Variants in ATP1B3 observed in about 807,000 individuals in gnomAD.
The protein encoded by ATP1B3 is ATPase Na+/K+ transporting subunit beta 3.
ATP1B3 carries 10 observed loss-of-function variants against 30.2 expected under a neutral mutation model. The ratio of observed to expected loss-of-function variants is 0.33; its 90% CI spans 0.20 to 0.56. The LOEUF is 0.56. Ranked by LOEUF, ATP1B3 falls within the 20% of genes least tolerant of loss-of-function variation. The pLI is 0.90. For synonymous variants in ATP1B3, 113 were observed against 117.0 expected, an observed-to-expected ratio of 0.97 and a Z score of 0.22; for missense variants, 238 against 336.7, an observed-to-expected ratio of 0.71 and a Z score of 2.29.
Position 141,876,769 on chromosome 3 carries a change from G to A in ATP1B3, c.-33G>A, listed in dbSNP as rs1387415758. On this transcript the variant is annotated 5_prime_UTR_variant, in exon 1 of 7. Coordinates refer to ENST00000286371, the MANE Select transcript of ATP1B3 (RefSeq NM_001679.4). The stretch of plus-strand genomic sequence containing the variant: ...AGCCCTCGCCGCCTCCATCCCCGCG[G>A]CCGCAGCTCCTCTCGCCGTCCGCGC... The A allele has an allele frequency of 3.8e-6, 6 of 1,561,884 alleles. No individual in the cohort carries two copies. Among genetic ancestry groups the A allele is most frequent in the East Asian group, 2.4e-5 (1 of 41,644 alleles).
chr3:141,923,904 C>G (rs1315300163), intron 6 of ATP1B3, among the ~76,000 whole-genome samples: 1 of 152,188 alleles, frequency 6.6e-6, no homozygotes, highest in Non-Finnish European at 1.5e-5. Context: ...GTTGAGTTCT[C>G]AGAGTGTCAG....
intron 1 of ATP1B3, among the ~76,000 whole-genome samples, chr3:141,900,623 A>G (rs1357955622): frequency 2.6e-5 from 4 of 152,206 alleles, no homozygotes; most frequent in East Asian, 1.9e-4. Flanking sequence ...CAGCATTTCT[A>G]TGGAGGACTG....
chr3:141,879,648 A>G (rs1013068529), intron 1 of ATP1B3, among the ~76,000 whole-genome samples: 12 of 151,204 alleles, frequency 7.9e-5, no homozygotes, highest in African/African-American at 2.9e-4. Context: ...GTGTGGTGGC[A>G]CCTGCCTGTA....
intron 2 of ATP1B3, among the ~76,000 whole-genome samples, chr3:141,904,986 C>T (rs1025855379): frequency 2.6e-5 from 4 of 152,178 alleles, no homozygotes; most frequent in African/African-American, 9.7e-5. Context: ...GCTGGGATTA[C>T]AGGGGTGAGC....
intron 5 of ATP1B3, among the ~76,000 whole-genome samples, chr3:141,921,073 T>G (rs1210179944): frequency 6.6e-6 from 1 of 152,122 alleles, no homozygotes; most frequent in African/African-American, 2.4e-5. Flanking sequence ...AAAAAAATTT[T>G]TTTATATATA....
intron 3 of ATP1B3, among the ~76,000 whole-genome samples, chr3:141,913,442 T>G (rs1216303103): frequency 6.6e-6 from 1 of 152,148 alleles, no homozygotes; most frequent in Non-Finnish European, 1.5e-5. Flanking sequence ...ATAATCCAGT[T>G]TGTATGATTA....
intron 3 of ATP1B3, among the ~76,000 whole-genome samples, chr3:141,912,096 C>G (rs9848990): frequency 0.43 from 64,835 of 151,422 alleles, 14,463 homozygotes; most frequent in East Asian, 0.65. Flanking sequence ...TTTATCTCTA[C>G]CCCCACAAAA....
At chr3:141,904,755 G>A (rs1407345068) in intron 2 of ATP1B3, among the ~76,000 whole-genome samples, 2 of 135,876 alleles carry the variant, frequency 1.5e-5, no homozygotes, top group Non-Finnish European at 3.0e-5. Flanking sequence ...TGTTGCCTAG[G>A]CTGGAGTGCA....
At position 141,876,790 on chromosome 3, in the gene ATP1B3, C is replaced by A; in HGVS notation, c.-12C>A. On this transcript the variant is annotated 5_prime_UTR_variant, in exon 1 of 7. Coordinates refer to ENST00000286371, the MANE Select transcript of ATP1B3 (RefSeq NM_001679.4). ...CGCGGCCGCAGCTCCTCTCGCCGTC[C>A]GCGCGCACACCATGACGAAGAACGA... is the stretch of plus-strand genomic sequence containing the variant. The A allele has an allele frequency of 6.3e-7, 1 of 1,586,762 alleles. No individual in the cohort carries two copies. Among genetic ancestry groups the A allele is most frequent in the South Asian group, 1.1e-5 (1 of 89,660 alleles).
At chr3:141,921,843 G>A (rs1934568445) in intron 5 of ATP1B3, 134 bp from the exon 6 acceptor site, 1 of 525,444 alleles carries the variant, frequency 1.9e-6, no homozygotes, top group African/African-American at 2.0e-5. Flanking sequence ...AAATACACTT[G>A]TAATGATAAT....
At chr3:141,890,862 G>A (rs146893481) in intron 1 of ATP1B3, among the ~76,000 whole-genome samples, 271 of 152,290 alleles carry the variant, frequency 1.8e-3, no homozygotes, top group African/African-American at 6.2e-3. Flanking sequence ...GGTGAGTCAC[G>A]GCCCCCAGTC....
At chr3:141,925,161 G>A (rs1033084093) in intron 6 of ATP1B3, among the ~76,000 whole-genome samples, 2 of 151,662 alleles carry the variant, frequency 1.3e-5, no homozygotes, top group Non-Finnish European at 2.9e-5. Flanking sequence ...AAATAATAGA[G>A]CTAAATTTTT....
intron 1 of ATP1B3, among the ~76,000 whole-genome samples, chr3:141,891,964 G>T (rs1933962710): frequency 6.6e-6 from 1 of 151,396 alleles, no homozygotes; most frequent in South Asian, 2.1e-4. Context: ...TCAGTTTGGG[G>T]ACAGTGCTCC....
At chr3:141,907,091 A>G in intron 2 of ATP1B3, 76 bp from the exon 3 acceptor site, 1 of 1,110,324 alleles carries the variant, frequency 9.0e-7, no homozygotes, top group Non-Finnish European at 1.3e-6. Flanking sequence ...ATTTGCTGAG[A>G]TCTGCTTTTT....
intron 5 of ATP1B3, chr3:141,916,531 C>T (rs1934467218): frequency 2.3e-6 from 3 of 1,286,506 alleles, no homozygotes; most frequent in Non-Finnish European, 3.0e-6. Flanking sequence ...TTTGTTTTCT[C>T]TCCATGCTGC....
intron 3 of ATP1B3, among the ~76,000 whole-genome samples, chr3:141,910,797 T>C (rs1344301973): frequency 6.7e-6 from 1 of 148,828 alleles, no homozygotes; most frequent in Non-Finnish European, 1.5e-5. Context: ...TTTTTAATTA[T>C]TTTTATTTTT....
intron 1 of ATP1B3, among the ~76,000 whole-genome samples, chr3:141,899,203 G>T (rs1934118671): frequency 2.0e-5 from 3 of 152,128 alleles, no homozygotes; most frequent in African/African-American, 7.2e-5. Context: ...TTACATATGT[G>T]AATGGTATGC....
intron 1 of ATP1B3, among the ~76,000 whole-genome samples, chr3:141,900,710 G>A (rs1218236784): frequency 1.3e-5 from 2 of 152,094 alleles, no homozygotes; most frequent in East Asian, 3.9e-4. Flanking sequence ...GCTGGACAGG[G>A]CCCGTTTCTC....
intron 4 of ATP1B3, among the ~76,000 whole-genome samples, chr3:141,914,070 T>C (rs1373971551): frequency 3.9e-5 from 6 of 152,214 alleles, no homozygotes; most frequent in Non-Finnish European, 8.8e-5. Flanking sequence ...AAAGTAACTT[T>C]TAAACTTTTC....
Sources: gnomAD v4.1 joint callset for allele counts (sites outside exome capture counted in the v4.1 genomes callset) on GRCh38, gnomAD v4.1.1 for gene constraint, MANE v1.5 for transcripts, NCBI Gene and HGNC (gene_info 2026-07-23, HGNC 2026-07-21) for gene names.